Variants in ADCY1 observed in about 807,000 individuals in gnomAD.
The protein encoded by ADCY1 is adenylate cyclase 1.
A neutral mutation model predicts 105.4 loss-of-function variants in ADCY1; 28 were observed. That is an observed-to-expected ratio of 0.27 (90% CI 0.20 to 0.36). The LOEUF is 0.36. Ranked by LOEUF, ADCY1 falls within the 10% of genes least tolerant of loss-of-function variation. The pLI is 1.00. For missense variants in ADCY1, 977 were observed against 1,434.2 expected (o/e 0.68, Z 5.15); for synonymous variants, 655 against 623.8 (o/e 1.05, Z -0.75).
At chr7:45,675,937 C>A (rs550097222) in intron 8 of ADCY1, among the ~76,000 whole-genome samples, 126 of 152,178 alleles carry the variant, frequency 8.3e-4, no homozygotes, top group African/African-American at 3.0e-3. Context: ...GCTATTATTT[C>A]TTCTAATATT....
rs1431575302 is a variant in ADCY1, at chr7:45,647,288, C to G, written c.1021-1382C>G. Among the ~76,000 whole-genome samples, 1 of 152,222 alleles carries G rather than the reference C, an allele frequency of 6.6e-6. No individual in the cohort carries two copies. Among genetic ancestry groups the G allele is most frequent in the Non-Finnish European group, 1.5e-5 (1 of 68,038 alleles). On this transcript the variant is annotated intron_variant, in intron 4 of 19. Transcript: ENST00000297323. This position sits in a 1 kb window ranked among gnomAD's most constrained non-coding sequence, Gnocchi z 4.6. ...TCCCAGCGGTCGGTGTGGCCTGTCC[C>G]TGTCCTGACTCACTCTGTGCTGGCC... is the stretch of plus-strand genomic sequence containing the variant.
chr7:45,631,822 T>C (rs1794267552), intron 4 of ADCY1, among the ~76,000 whole-genome samples: 1 of 152,216 alleles, frequency 6.6e-6, no homozygotes, highest in Non-Finnish European at 1.5e-5. Context: ...TATCTCTGCA[T>C]CTCAGAGTAA....
chr7:45,685,017 C>T lies in ADCY1; in HGVS notation c.2022C>T (p.Val674=), dbSNP rs762565314. The change falls in exon 12 of 20, where the codon GTC becomes GTT. Residue 674 remains valine (V), a synonymous_variant. Transcript: ENST00000297323. Reference sequence around the variant, plus strand: ...GCCTGACGATTCAGATTCGCACTGTCCTGTGTATTTTCATAGTGGTCTTAA... The same window carrying T: ...GCCTGACGATTCAGATTCGCACTGTTCTGTGTATTTTCATAGTGGTCTTAA... The part of the protein sequence containing the change: ...PGCLTIQIRT[V]LCIFIVVLIY... 6.2e-7 allele frequency: 1 copy of T among 1,614,214 alleles called. No individual in the cohort carries two copies. Among genetic ancestry groups the T allele is most frequent in the Non-Finnish European group, 8.5e-7 (1 of 1,180,020 alleles).
chr7:45,636,633 C>T (rs556340688), intron 4 of ADCY1, among the ~76,000 whole-genome samples: 11 of 152,268 alleles, frequency 7.2e-5, no homozygotes, highest in South Asian at 4.2e-4. Context: ...CTCCGCCTCC[C>T]GGGTTCAAGA....
intron 4 of ADCY1, among the ~76,000 whole-genome samples, chr7:45,634,563 C>T (rs562195573): frequency 3.3e-5 from 5 of 151,722 alleles, no homozygotes; most frequent in Non-Finnish European, 2.9e-5. Context: ...GATATTTAAA[C>T]ATCCTTTTGT....
chr7:45,708,968 G>T lies in ADCY1; in HGVS notation c.2932+504G>T, dbSNP rs1785174672. Among the ~76,000 whole-genome samples, 1 of 147,666 alleles carries T rather than the reference G, an allele frequency of 6.8e-6. No individual in the cohort carries two copies. Among genetic ancestry groups the T allele is most frequent in the South Asian group, 2.1e-4 (1 of 4,652 alleles). ...AGCTTTTATAAAACTATGATTTGTT[G>T]TTTTTTTTTTTAATCATAAATTCAC... On this transcript the variant is annotated intron_variant, in intron 18 of 19. Coordinates refer to ENST00000297323, the MANE Select transcript of ADCY1 (RefSeq NM_021116.4). The surrounding 1 kb of genome is among the most constrained non-coding windows in gnomAD (Gnocchi z 4.7).
rs540933566 is a variant in ADCY1, at chr7:45,710,818, C to G, written c.3057+166C>G. On this transcript the variant is annotated intron_variant, in intron 19 of 19. Coordinates refer to ENST00000297323, the MANE Select transcript of ADCY1 (RefSeq NM_021116.4). The surrounding 1 kb of genome is among the most constrained non-coding windows in gnomAD (Gnocchi z 4.7). ...GCTCTGGAGGGCATCCTGGCCCGGG[C>G]ATCTTGATTTTGCTGTTTGGTTTGT... 6.6e-6 allele frequency among the ~76,000 whole-genome samples: 1 copy of G among 152,184 alleles called. No individual in the cohort carries two copies. Among genetic ancestry groups the G allele is most frequent in the African/African-American group, 2.4e-5 (1 of 41,444 alleles).
rs1784688636 is a variant in ADCY1 at position 45,686,872 on chromosome 7, C to T, written c.2454+199C>T. Among the ~76,000 whole-genome samples, 2 of 152,148 alleles carry T rather than the reference C, an allele frequency of 1.3e-5. No individual in the cohort carries two copies. The highest frequency in any genetic ancestry group is 2.9e-5 in the Non-Finnish European group (2 of 68,034). ...GGGGGTGCAGGGAGTGGGAGCCATGCCTCGTGAGAGGACAGTTCAGAAGGT... is the reference window on the plus strand; with the variant it reads ...GGGGGTGCAGGGAGTGGGAGCCATGTCTCGTGAGAGGACAGTTCAGAAGGT... On this transcript the variant is annotated intron_variant, in intron 14 of 19. Coordinates refer to ENST00000297323, the MANE Select transcript of ADCY1 (RefSeq NM_021116.4). This position sits in a 1 kb window ranked among gnomAD's most constrained non-coding sequence, Gnocchi z 4.3.
At chr7:45,628,820 T>G (rs1794143051) in intron 4 of ADCY1, among the ~76,000 whole-genome samples, 1 of 152,140 alleles carries the variant, frequency 6.6e-6, no homozygotes, top group African/African-American at 2.4e-5. Flanking sequence ...TCAGTACCTC[T>G]GGGATATGTT....
Position 45,622,647 on chromosome 7 carries a change from C to T in ADCY1, c.924C>T (p.Asp308=). 6.2e-7 allele frequency: 1 copy of T among 1,613,310 alleles called. No homozygotes were observed. Among genetic ancestry groups the T allele is most frequent in the Non-Finnish European group, 8.5e-7 (1 of 1,179,844 alleles). Residue 308 remains aspartate, a synonymous_variant, in exon 4 of 20, where the codon GAC becomes GAT. Transcript: ENST00000297323. ...TCTCTTGCAGCATCCTGTTTGCTGACATCGTGGGTTTCACGGGCTTGGCAT... is the reference window on the plus strand; with the variant it reads ...TCTCTTGCAGCATCCTGTTTGCTGATATCGTGGGTTTCACGGGCTTGGCAT... ...RHDNVSILFA[D]IVGFTGLASQ... is the part of the protein sequence containing the mutation.
At chr7:45,670,683 A>G (rs12112098) in intron 8 of ADCY1, among the ~76,000 whole-genome samples, 24,464 of 151,780 alleles carry the variant, frequency 0.16, 2,224 homozygotes, top group African/African-American at 0.24. Flanking sequence ...ACCTGTGCCC[A>G]TCAGCCCTGA....
intron 2 of ADCY1, among the ~76,000 whole-genome samples, chr7:45,603,750 C>T (rs889587986): frequency 6.6e-6 from 1 of 152,158 alleles, no homozygotes; most frequent in Non-Finnish European, 1.5e-5. Flanking sequence ...AACCTGTTAC[C>T]CATTTCTTTA....
In ADCY1 at chr7:45,722,950, CA is replaced by C. The variant is rs1785504777; in HGVS notation, c.*8957del. On this transcript the variant is annotated 3_prime_UTR_variant, in exon 20 of 20. Coordinates refer to ENST00000297323, the MANE Select transcript of ADCY1 (RefSeq NM_021116.4). ...CTTTTTCAAGATTGTTAAATTGAGA[CA>C]AGTAATTGAATAATTTGTCCTATTT... The C allele has an allele frequency of 6.6e-6, 1 of 152,488 alleles. No individual in the cohort carries two copies. The highest frequency in any genetic ancestry group is 1.5e-5 in the Non-Finnish European group (1 of 68,016). 9.4% of individuals were successfully genotyped at this position (152,488 alleles called of 1,614,324 possible).
At chr7:45,664,166 G>A in intron 8 of ADCY1, 2 of 873,212 alleles carry the variant, frequency 2.3e-6, no homozygotes, top group Non-Finnish European at 3.6e-6. Flanking sequence ...GGGCGTTCCT[G>A]CTAAAACTGG....
rs58025464 is a variant in ADCY1 at position 45,673,964 on chromosome 7, CATAT to C, written c.1606-3864_1606-3861del. 5.6e-3 allele frequency among the ~76,000 whole-genome samples: 645 copies of C among 114,862 alleles called. 5 individuals carry two copies. Among genetic ancestry groups the C allele is most frequent in the African/African-American group, 0.015 (378 of 24,706 alleles). 75.4% of individuals were successfully genotyped at this position (114,862 alleles called of 152,430 possible). A position where few individuals can be genotyped will look rare whatever the true frequency, so the allele number is the denominator to read the frequency against. On this transcript the variant is annotated intron_variant, in intron 8 of 19. Transcript: ENST00000297323. ...TTTGGCATATGTTCATTCAGATGAG[CATAT>C]ATATATATATATATATATATATATA...
chr7:45,682,296 G>T (rs911419698), intron 11 of ADCY1, among the ~76,000 whole-genome samples: 1 of 152,192 alleles, frequency 6.6e-6, no homozygotes, highest in Non-Finnish European at 1.5e-5. Context: ...GCAGAGGGCG[G>T]CAGAGCTGAC....
chr7:45,676,793 TC>T (rs1382145523), intron 8 of ADCY1, among the ~76,000 whole-genome samples: 1 of 151,460 alleles, frequency 6.6e-6, no homozygotes, highest in Admixed American at 6.6e-5. Flanking sequence ...AAGTCGAGGC[TC>T]CCCACATGGT....
Position 45,710,717 on chromosome 7 carries a change from A to G in ADCY1, c.3057+65A>G, listed in dbSNP as rs1785215212. ...TCTTCAGGTGAGGAAACTGAGGCAC[A>G]GGGGGCCAGAATTGAATCCCCAGTC... On this transcript the variant is annotated intron_variant, in intron 19 of 19. Coordinates refer to ENST00000297323, the MANE Select transcript of ADCY1 (RefSeq NM_021116.4). This position sits in a 1 kb window ranked among gnomAD's most constrained non-coding sequence, Gnocchi z 4.7. 14 of 1,538,732 alleles carry G rather than the reference A, an allele frequency of 9.1e-6. No homozygotes were observed. In the East Asian group the frequency reaches 2.4e-4, roughly 26 times the overall value.
At chr7:45,625,247 A>C (rs773441105) in intron 4 of ADCY1, among the ~76,000 whole-genome samples, 8 of 152,084 alleles carry the variant, frequency 5.3e-5, no homozygotes, top group Non-Finnish European at 8.8e-5. Context: ...CTGTCATCTC[A>C]TGTTTCCATG....
Sources: gnomAD v4.1 joint callset for allele counts (sites outside exome capture counted in the v4.1 genomes callset) on GRCh38, gnomAD v4.1.1 for gene constraint, Gnocchi (gnomAD v3.1) non-coding constraint, MANE v1.5 for transcripts, NCBI Gene and HGNC (gene_info 2026-07-23, HGNC 2026-07-21) for gene names.